The following AGBL4 variants were observed in gnomAD, a reference collection of about 807,000 sequenced individuals.
The protein encoded by AGBL4 is cytosolic carboxypeptidase 6.
In AGBL4, 58 loss-of-function variants were observed where a neutral mutation model predicts 66.4. That is an observed-to-expected ratio of 0.87 (90% CI 0.71 to 1.09). AGBL4 has a LOEUF of 1.09. Ranked by LOEUF, AGBL4 falls within the 50% of genes least tolerant of loss-of-function variation. The pLI, the probability that AGBL4 is intolerant of heterozygous loss-of-function variation, is 0.00. For missense variants in AGBL4, 579 were observed against 631.0 expected, an observed-to-expected ratio of 0.92 and a Z score of 0.88; for synonymous variants, 234 against 222.9, an observed-to-expected ratio of 1.05 and a Z score of -0.44.
chr1:49,414,761 G>C (rs1297106653), intron 3 of AGBL4, among the ~76,000 whole-genome samples: 1 of 152,100 alleles, frequency 6.6e-6, no homozygotes, highest in Non-Finnish European at 1.5e-5. Context: ...CCTCTTTCTA[G>C]CTCTGACTCC....
At chr1:48,525,381 T>A in the AGBL4 span, among the ~76,000 whole-genome samples, 1 of 151,982 alleles carries the variant, frequency 6.6e-6, no homozygotes, top group Non-Finnish European at 1.5e-5. Flanking sequence ...CAGAGAGGAA[T>A]GGGGAGGTGC....
chr1:49,024,986 G>A (rs891417580), intron 5 of AGBL4, among the ~76,000 whole-genome samples: 2 of 152,020 alleles, frequency 1.3e-5, no homozygotes, highest in Admixed American at 6.6e-5. Flanking sequence ...GATATCTATC[G>A]GGGTAGAGGG....
chr1:48,721,197 C>T (rs948161863), intron 6 of AGBL4, among the ~76,000 whole-genome samples: 2 of 151,948 alleles, frequency 1.3e-5, no homozygotes, highest in East Asian at 3.9e-4. Flanking sequence ...CACTCTTTTC[C>T]CAGAGGTGGG....
intron 6 of AGBL4, among the ~76,000 whole-genome samples, chr1:48,734,714 A>G (rs1399329410): frequency 6.6e-6 from 1 of 152,190 alleles, no homozygotes; most frequent in Admixed American, 6.5e-5. Context: ...TTGCAGCTCA[A>G]ATGTCACCTC....
At chr1:48,865,638 A>G (rs1382666912) in intron 6 of AGBL4, among the ~76,000 whole-genome samples, 1 of 152,152 alleles carries the variant, frequency 6.6e-6, no homozygotes, top group Non-Finnish European at 1.5e-5. Context: ...AGTAGTAATT[A>G]GGAACAGAAA....
intron 5 of AGBL4, among the ~76,000 whole-genome samples, chr1:48,933,640 C>T (rs1369699090): frequency 6.6e-6 from 1 of 152,192 alleles, no homozygotes; most frequent in Admixed American, 6.5e-5. Context: ...AGTTACTTCA[C>T]ATCTCTAACC....
intron 4 of AGBL4, among the ~76,000 whole-genome samples, chr1:49,114,700 G>A (rs1465470883): frequency 2.0e-5 from 3 of 152,118 alleles, no homozygotes; most frequent in African/African-American, 7.2e-5. Flanking sequence ...GAGACCACTG[G>A]AGGGTTATTA....
chr1:49,679,621 C>G (rs1255236006), intron 3 of AGBL4, among the ~76,000 whole-genome samples: 2 of 151,792 alleles, frequency 1.3e-5, no homozygotes, highest in African/African-American at 4.8e-5. Flanking sequence ...TCTATTTGTT[C>G]TCTCTGTATT....
chr1:48,823,425 T>A (rs935829666), intron 6 of AGBL4, among the ~76,000 whole-genome samples: 1 of 152,234 alleles, frequency 6.6e-6, no homozygotes, highest in Non-Finnish European at 1.5e-5. Flanking sequence ...TGGGGCAGAC[T>A]GAGTACTCTG....
chr1:49,209,496 T>A (rs1241369189), intron 4 of AGBL4, among the ~76,000 whole-genome samples: 1 of 152,122 alleles, frequency 6.6e-6, no homozygotes, highest in Non-Finnish European at 1.5e-5. Flanking sequence ...GTTGCAAAGA[T>A]ATTTAATAGT....
At chr1:48,665,610 C>T (rs1032511866) in intron 6 of AGBL4, among the ~76,000 whole-genome samples, 1 of 152,212 alleles carries the variant, frequency 6.6e-6, no homozygotes, top group Non-Finnish European at 1.5e-5. Flanking sequence ...AGCACCCAGC[C>T]AGTGCCCCTT....
rs556946745 is a variant in AGBL4 at position 49,690,989 on chromosome 1, G to A, written c.282+6324C>T. The stretch of plus-strand genomic sequence containing the variant: ...GCCTGGAATGTATGTCTAACGAAAA[G>A]TCTGTATTCTTAACTAGTACATTTT... On this transcript the variant is annotated intron_variant, in intron 3 of 13. Transcript: ENST00000371839. Among the ~76,000 whole-genome samples the A allele has an allele frequency of 2.0e-5, 3 of 152,240 alleles. No homozygotes were observed. The South Asian group carries it at 6.2e-4, about 32-fold the overall frequency.
intron 6 of AGBL4, among the ~76,000 whole-genome samples, chr1:48,681,539 C>T (rs957854159): frequency 7.2e-5 from 11 of 152,168 alleles, no homozygotes; most frequent in African/African-American, 2.4e-4. Context: ...CCCTCAGTGG[C>T]AGCAGGATAT....
intron 8 of AGBL4, among the ~76,000 whole-genome samples, chr1:48,652,068 G>A (rs1645939436): frequency 6.6e-6 from 1 of 152,084 alleles, no homozygotes; most frequent in African/African-American, 2.4e-5. Context: ...TTGGTACAGT[G>A]GCTCATGCCT....
At chr1:49,576,105 T>C (rs867099634) in intron 3 of AGBL4, among the ~76,000 whole-genome samples, 17 of 152,166 alleles carry the variant, frequency 1.1e-4, no homozygotes, top group African/African-American at 7.2e-5. Context: ...GATATTCCCT[T>C]TAAGGTGAAT....
intron 3 of AGBL4, among the ~76,000 whole-genome samples, chr1:49,504,406 A>G (rs902797502): frequency 6.6e-6 from 1 of 152,056 alleles, no homozygotes; most frequent in Non-Finnish European, 1.5e-5. Context: ...GTTTTATTCC[A>G]ATGTTTTCAT....
intron 1 of AGBL4, among the ~76,000 whole-genome samples, chr1:49,859,276 C>A (rs1378056232): frequency 2.0e-5 from 3 of 152,110 alleles, no homozygotes; most frequent in Non-Finnish European, 4.4e-5. Context: ...CAGATGAAGA[C>A]ATTAAACAAG....
chr1:49,833,369 C>A (rs901726036), intron 2 of AGBL4, among the ~76,000 whole-genome samples: 17 of 151,926 alleles, frequency 1.1e-4, no homozygotes, highest in Non-Finnish European at 2.4e-4. Flanking sequence ...GTTTTGGTAC[C>A]AGTACCATGC....
Position 48,774,953 on chromosome 1 carries a change from C to T in AGBL4, c.634+92238G>A, listed in dbSNP as rs563727144. Among the ~76,000 whole-genome samples, 16 of 152,308 alleles carry T rather than the reference C, an allele frequency of 1.1e-4. No homozygotes were observed. The South Asian group carries it at 2.3e-3, about 22-fold the overall frequency. ...TCCAGATCTAGGAGTACAATACAAT[C>T]GTCAAGAAGCATGCATGCATTTTCT... On this transcript the variant is annotated intron_variant, in intron 6 of 13. Transcript: ENST00000371839.
Sources: allele counts gnomAD v4.1 joint callset (sites outside exome capture counted in the v4.1 genomes callset), GRCh38; gene constraint gnomAD v4.1.1; transcripts MANE v1.5; gene names NCBI Gene and HGNC (gene_info 2026-07-23, HGNC 2026-07-21).